Variants in PTPRN2 observed in about 807,000 individuals in gnomAD.
PTPRN2 encodes receptor-type tyrosine-protein phosphatase N2.
A neutral mutation model predicts 118.8 loss-of-function variants in PTPRN2; 74 were observed. That is an observed-to-expected ratio of 0.62 (90% CI 0.52 to 0.76). The LOEUF is 0.76. Ranked by LOEUF, PTPRN2 falls within the 30% of genes least tolerant of loss-of-function variation. The pLI, the probability that PTPRN2 is intolerant of heterozygous loss-of-function variation, is 0.00. For synonymous variants in PTPRN2, 641 were observed against 608.0 expected, an observed-to-expected ratio of 1.05 and a Z score of -0.80; for missense variants, 1,481 against 1,394.4, an observed-to-expected ratio of 1.06 and a Z score of -0.99.
At chr7:157,576,889 C>T (rs1800082458) in intron 18 of PTPRN2, 110 bp from the exon 19 acceptor site, 2 of 1,129,548 alleles carry the variant, frequency 1.8e-6, no homozygotes, top group East Asian at 2.6e-5. Context: ...GGGGGCGCTG[C>T]GAAGAGGGCA....
intron 4 of PTPRN2, among the ~76,000 whole-genome samples, chr7:158,198,470 C>A (rs1826389524): frequency 1.3e-5 from 2 of 152,206 alleles, no homozygotes; most frequent in Non-Finnish European, 2.9e-5. Context: ...GATTGTCACC[C>A]AGTTTGTTAA....
intron 1 of PTPRN2, among the ~76,000 whole-genome samples, chr7:158,523,705 G>GTCTGCCCTGGAGCGGAGTCA (rs1824477247): frequency 1.4e-5 from 1 of 70,764 alleles, no homozygotes; most frequent in African/African-American, 5.5e-5. Flanking sequence ...GAGTGGAGTC[G>GTCTGCCCTGGAGCGGAGTCA]TCTGCCCTGG....
Position 157,567,678 on chromosome 7 carries a change from C to T in PTPRN2, c.2902+1224G>A, listed in dbSNP as rs145870249. Among the ~76,000 whole-genome samples, 108 of 152,210 alleles carry T rather than the reference C, an allele frequency of 7.1e-4. No homozygotes were observed. The East Asian group carries it at 0.017, about 24-fold the overall frequency. On this transcript the variant is annotated intron_variant, in intron 21 of 22. Transcript: ENST00000389418. The stretch of plus-strand genomic sequence containing the variant: ...GCCAGTGATGGAGAATGGGATGTTA[C>T]GGAAGGCGGAGGTCTCTGTATGAAC...
At chr7:157,713,371 CTCCTCATTAAGTAATTAT>C (rs2150895563) in intron 12 of PTPRN2, among the ~76,000 whole-genome samples, 1 of 152,292 alleles carries the variant, frequency 6.6e-6, no homozygotes, top group East Asian at 1.9e-4. Context: ...AATCTATTTT[CTCCTCATTAAGTAATTAT>C]TTAATTAATA....
intron 11 of PTPRN2, among the ~76,000 whole-genome samples, chr7:157,979,531 C>A (rs1349248888): frequency 6.6e-6 from 1 of 152,224 alleles, no homozygotes; most frequent in African/African-American, 2.4e-5. Flanking sequence ...ACATGACAGT[C>A]CTCTAATGCA....
intron 5 of PTPRN2, among the ~76,000 whole-genome samples, chr7:158,169,417 A>AGTGTGTGAGTGT (rs1554570802): frequency 2.2e-5 from 3 of 136,526 alleles, no homozygotes; most frequent in Admixed American, 1.5e-4. Context: ...TGCTTTTGTG[A>AGTGTGTGAGTGT]GTGTGTGTGT....
intron 11 of PTPRN2, among the ~76,000 whole-genome samples, chr7:157,945,483 C>T (rs971866336): frequency 1.3e-5 from 2 of 152,168 alleles, no homozygotes; most frequent in African/African-American, 4.8e-5. Context: ...ACTCTTCTCC[C>T]GCTCAGTGAC....
intron 12 of PTPRN2, among the ~76,000 whole-genome samples, chr7:157,803,375 T>C (rs1805439294): frequency 6.6e-6 from 1 of 152,206 alleles, no homozygotes; most frequent in African/African-American, 2.4e-5. Context: ...TCACCCTACC[T>C]TTCGTGGGCT....
At chr7:158,303,962 A>T (rs965897977) in intron 3 of PTPRN2, among the ~76,000 whole-genome samples, 1 of 152,270 alleles carries the variant, frequency 6.6e-6, no homozygotes, top group African/African-American at 2.4e-5. Context: ...CATGTGCCCA[A>T]GGTGGATGGG....
At chr7:158,122,281 G>A (rs1349424901) in intron 9 of PTPRN2, among the ~76,000 whole-genome samples, 1 of 152,164 alleles carries the variant, frequency 6.6e-6, no homozygotes, top group Non-Finnish European at 1.5e-5. Context: ...ACGTCTCTAA[G>A]CTCAACCACG....
intron 1 of PTPRN2, among the ~76,000 whole-genome samples, chr7:158,560,153 G>A (rs150420371): frequency 2.6e-5 from 4 of 152,334 alleles, no homozygotes; most frequent in Admixed American, 6.5e-5. Flanking sequence ...GGTGTAGCAC[G>A]CTGAAGACTG....
chr7:157,698,698 C>A (rs1457194345), intron 12 of PTPRN2, among the ~76,000 whole-genome samples: 1 of 152,156 alleles, frequency 6.6e-6, no homozygotes, highest in Non-Finnish European at 1.5e-5. Context: ...AGAGGTGAAT[C>A]CGGTTTTCAC....
chr7:157,665,761 T>C (rs1282157615), intron 13 of PTPRN2, among the ~76,000 whole-genome samples: 1 of 152,144 alleles, frequency 6.6e-6, no homozygotes, highest in African/African-American at 2.4e-5. Context: ...TAGACTGGAT[T>C]AAGAAAATGT....
chr7:157,910,681 A>C (rs1300078868), intron 11 of PTPRN2, among the ~76,000 whole-genome samples: 1 of 151,568 alleles, frequency 6.6e-6, no homozygotes, highest in Admixed American at 6.6e-5. Context: ...AAACACAGCC[A>C]GAAAGATGCC....
At chr7:157,790,060 T>G (rs1472332222) in intron 12 of PTPRN2, among the ~76,000 whole-genome samples, 8 of 119,324 alleles carry the variant, frequency 6.7e-5, no homozygotes, top group Admixed American at 8.7e-5. Flanking sequence ...TTGTGTGGTG[T>G]GAATGTGTGG....
intron 2 of PTPRN2, among the ~76,000 whole-genome samples, chr7:158,383,182 C>T (rs979710810): frequency 1.6e-4 from 24 of 152,144 alleles, no homozygotes; most frequent in Non-Finnish European, 1.5e-5. Flanking sequence ...AAAAGACACA[C>T]CTCATGCAGA....
At chr7:158,337,516 C>A in intron 2 of PTPRN2, among the ~76,000 whole-genome samples, 1 of 151,660 alleles carries the variant, frequency 6.6e-6, no homozygotes, top group Non-Finnish European at 1.5e-5. Flanking sequence ...CCCACACTCT[C>A]ACCATAAGAG....
At chr7:157,580,153 C>T (rs1389545889) in intron 17 of PTPRN2, among the ~76,000 whole-genome samples, 1 of 152,158 alleles carries the variant, frequency 6.6e-6, no homozygotes, top group Admixed American at 6.5e-5. Flanking sequence ...AGTGCTAACC[C>T]CTGGCACCTG....
intron 11 of PTPRN2, among the ~76,000 whole-genome samples, chr7:157,946,906 G>A (rs1800522337): frequency 6.6e-6 from 1 of 152,204 alleles, no homozygotes; most frequent in South Asian, 2.1e-4. Flanking sequence ...AGGCATGTGG[G>A]ATGTGCCTTG....
Sources: allele counts gnomAD v4.1 joint callset (sites outside exome capture counted in the v4.1 genomes callset), GRCh38; gene constraint gnomAD v4.1.1; transcripts MANE v1.5; gene names NCBI Gene and HGNC (gene_info 2026-07-23, HGNC 2026-07-21).